The following CCDC47 variants were observed in gnomAD, a reference collection of about 807,000 sequenced individuals.
CCDC47 encodes the protein coiled-coil domain containing 47, also known as PAT complex subunit CCDC47.
CCDC47 carries 41 observed loss-of-function variants against 60.5 expected under a neutral mutation model. The observed-to-expected ratio is 0.68, with a 90% CI of 0.53 to 0.88. CCDC47 has a LOEUF of 0.88. CCDC47 is among the 40% of genes least tolerant of loss of function. The pLI is 0.00. For missense variants in CCDC47, 513 were observed against 580.9 expected, an observed-to-expected ratio of 0.88 and a Z score of 1.20; for synonymous variants, 195 against 190.7, an observed-to-expected ratio of 1.02 and a Z score of -0.18.
chr17:63,765,685 C>T, intron 2 of CCDC47: 1 of 1,347,054 alleles, frequency 7.4e-7, no homozygotes, highest in Non-Finnish European at 9.5e-7. Context: ...CAAACAGTAT[C>T]TATTCTCTAA....
intron 9 of CCDC47, 80 bp downstream of exon 9, chr17:63,754,353 T>C: frequency 1.2e-6 from 1 of 837,552 alleles, no homozygotes; most frequent in South Asian, 1.5e-5. Context: ...GTAAGGGATA[T>C]TGCAGAAGCA....
intron 4 of CCDC47, among the ~76,000 whole-genome samples, chr17:63,763,055 C>T (rs2039272182): frequency 6.6e-6 from 1 of 152,150 alleles, no homozygotes; most frequent in African/African-American, 2.4e-5. Flanking sequence ...GTAGTTGGGA[C>T]CACAGAAGCA....
chr17:63,773,209 ATC>A (rs2039365175), intron 1 of CCDC47, among the ~76,000 whole-genome samples: 1 of 152,216 alleles, frequency 6.6e-6, no homozygotes, highest in South Asian at 2.1e-4. Context: ...GAATCAATAC[ATC>A]CTAATGTCAT....
intron 6 of CCDC47, among the ~76,000 whole-genome samples, chr17:63,758,265 C>T (rs2039222698): frequency 6.6e-6 from 1 of 152,140 alleles, no homozygotes; most frequent in Non-Finnish European, 1.5e-5. Context: ...GTCAGAAGTC[C>T]AGATGGTAGT....
intron 4 of CCDC47, among the ~76,000 whole-genome samples, chr17:63,763,244 T>C (rs1472535905): frequency 6.6e-6 from 1 of 152,130 alleles, no homozygotes. Flanking sequence ...TCCTCAAGGC[T>C]GGATGCAGTA....
chr17:63,759,547 A>T (rs1304634831), intron 6 of CCDC47, among the ~76,000 whole-genome samples: 2 of 53,966 alleles, frequency 3.7e-5, no homozygotes, highest in Non-Finnish European at 7.0e-5. Flanking sequence ...ATATATATAT[A>T]TATATATATA....
In CCDC47 at chr17:63,746,863, C is replaced by G; in HGVS notation, c.*18G>C. Reference sequence around the variant, plus strand: ...AGAGCTTACAGGTGGCATCAGAACTCAAATCTCTGGGATGGCTTTACATGG... The same window carrying G: ...AGAGCTTACAGGTGGCATCAGAACTGAAATCTCTGGGATGGCTTTACATGG... On this transcript the variant is annotated 3_prime_UTR_variant, in exon 13 of 13. Coordinates refer to ENST00000225726, the MANE Select transcript of CCDC47 (RefSeq NM_020198.3). 6.3e-7 allele frequency: 1 copy of G among 1,596,586 alleles called. No homozygotes were observed. The highest frequency in any genetic ancestry group is 8.6e-7 in the Non-Finnish European group (1 of 1,164,344).
intron 1 of CCDC47, among the ~76,000 whole-genome samples, chr17:63,767,572 A>G (rs909521778): frequency 1.1e-4 from 16 of 152,030 alleles, no homozygotes; most frequent in African/African-American, 3.9e-4. Context: ...TCATCTAAAC[A>G]CCAGCCCTAT....
At chr17:63,767,941 G>A (rs1283410230) in intron 1 of CCDC47, among the ~76,000 whole-genome samples, 1 of 151,968 alleles carries the variant, frequency 6.6e-6, no homozygotes, top group South Asian at 2.1e-4. Context: ...TCAAATCCTG[G>A]TGTTTCCTTC....
At chr17:63,765,187 G>A (rs777758823) in intron 2 of CCDC47, 2 of 153,094 alleles carry the variant, frequency 1.3e-5, no homozygotes, top group Admixed American at 6.7e-5. Context: ...CTTGATTGTG[G>A]TAAGCACTTC....
At chr17:63,760,871 T>C in intron 6 of CCDC47, 43 bp downstream of exon 6, 2 of 1,212,762 alleles carry the variant, frequency 1.6e-6, no homozygotes, top group African/African-American at 1.7e-5. Context: ...AGAAAACAAA[T>C]AATTCAGTCT....
intron 2 of CCDC47, 100 bp from the exon 3 acceptor site, chr17:63,764,947 A>G (rs1278765473): frequency 6.6e-7 from 1 of 1,509,642 alleles, no homozygotes; most frequent in Non-Finnish European, 8.8e-7. Flanking sequence ...AGAACGTGTA[A>G]GCAGCAAGCA....
intron 12 of CCDC47, among the ~76,000 whole-genome samples, chr17:63,748,415 T>C (rs1598303949): frequency 6.6e-6 from 1 of 151,858 alleles, no homozygotes; most frequent in Admixed American, 6.6e-5. Flanking sequence ...GCCCGGCCTA[T>C]CTTAGGTTTC....
In CCDC47 at chr17:63,746,218, C is replaced by A. The variant is rs2039119163; in HGVS notation, c.*663G>T. The stretch of plus-strand genomic sequence containing the variant: ...TATCAGGTAAGGAAAAAATGATGCT[C>A]CTGTCCCTAGAATTTTCCATGTACA... On this transcript the variant is annotated 3_prime_UTR_variant, in exon 13 of 13. Coordinates refer to ENST00000225726, the MANE Select transcript of CCDC47 (RefSeq NM_020198.3). The A allele has an allele frequency of 6.6e-6, 1 of 152,194 alleles. No homozygotes were observed. Among genetic ancestry groups the A allele is most frequent in the Non-Finnish European group, 1.5e-5 (1 of 68,034 alleles). 9.4% of individuals were successfully genotyped at this position (152,194 alleles called of 1,614,324 possible). A position where few individuals can be genotyped will look rare whatever the true frequency, so the allele number is the denominator to read the frequency against.
chr17:63,752,222 G>C, intron 11 of CCDC47, 98 bp downstream of exon 11: 1 of 1,437,984 alleles, frequency 7.0e-7, no homozygotes, highest in Non-Finnish European at 9.7e-7. Context: ...AAATCAACTA[G>C]CAAAAATTCA....
At chr17:63,766,894 TA>T in intron 1 of CCDC47, 3 of 981,860 alleles carry the variant, frequency 3.1e-6, no homozygotes, top group Non-Finnish European at 3.6e-6. Context: ...GTAACAAGAA[TA>T]ATCCATGAAT....
rs2144495339 is a variant in CCDC47 at position 63,766,092 on chromosome 17, C to T, written c.84G>A (p.Glu28=). 6.2e-7 allele frequency: 1 copy of T among 1,614,004 alleles called. No homozygotes were observed. Among genetic ancestry groups the T allele is most frequent in the Non-Finnish European group, 8.5e-7 (1 of 1,179,988 alleles). The change falls in exon 2 of 13, where the codon GAG becomes GAA. Residue 28 remains glutamate (E), a synonymous_variant. Coordinates refer to ENST00000225726, the MANE Select transcript of CCDC47 (RefSeq NM_020198.3). ...TATCATCATACTCTACTATGTCCTC[C>T]TCATCCTCAAAATCATCAAACTTGG... ...SEAKFDDFED[E]EDIVEYDDND... is the part of the protein sequence containing the mutation.
intron 1 of CCDC47, among the ~76,000 whole-genome samples, chr17:63,769,182 T>C (rs912403341): frequency 1.1e-4 from 16 of 150,310 alleles, no homozygotes; most frequent in African/African-American, 3.9e-4. Flanking sequence ...CCCAGGAGGT[T>C]GAGGCTTCAG....
chr17:63,756,978 A>C (rs558589470), intron 6 of CCDC47, among the ~76,000 whole-genome samples: 2 of 152,210 alleles, frequency 1.3e-5, no homozygotes, highest in East Asian at 1.9e-4. Flanking sequence ...TAGGGACTAC[A>C]GTAGTTCGTG....
Sources: gnomAD v4.1 joint callset for allele counts (sites outside exome capture counted in the v4.1 genomes callset) on GRCh38, gnomAD v4.1.1 for gene constraint, MANE v1.5 for transcripts, NCBI Gene and HGNC (gene_info 2026-07-23, HGNC 2026-07-21) for gene names.